Variants in FOXJ3 observed in about 807,000 individuals in gnomAD.
FOXJ3 encodes the protein forkhead box J3.
A neutral mutation model predicts 76.1 loss-of-function variants in FOXJ3; 22 were observed. The observed-to-expected ratio is 0.29, with a 90% confidence interval of 0.21 to 0.41. The LOEUF (loss-of-function observed/expected upper bound fraction) is 0.41. Among genes scored for constraint, FOXJ3 ranks in the 10% least tolerant of loss-of-function variants. The pLI, the probability that FOXJ3 is intolerant of heterozygous loss-of-function variation, is 1.00. For synonymous variants in FOXJ3, 269 were observed against 261.2 expected, an observed-to-expected ratio of 1.03 and a Z score of -0.29; for missense variants, 613 against 762.1, an observed-to-expected ratio of 0.80 and a Z score of 2.30.
intron 5 of FOXJ3, among the ~76,000 whole-genome samples, chr1:42,211,805 CATA>C (rs1328818638): frequency 1.3e-5 from 2 of 152,160 alleles, no homozygotes; most frequent in African/African-American, 4.8e-5. Context: ...CCAAGAAACT[CATA>C]TAGAGTTTTC....
chr1:42,279,257 G>C (rs1157101351), intron 2 of FOXJ3, among the ~76,000 whole-genome samples: 14 of 152,180 alleles, frequency 9.2e-5, no homozygotes, highest in Admixed American at 9.2e-4. Context: ...ATAGCAAGGA[G>C]ACAAGCTAGC....
intron 1 of FOXJ3, among the ~76,000 whole-genome samples, chr1:42,323,315 T>A (rs1655542445): frequency 2.6e-5 from 4 of 152,290 alleles, no homozygotes; most frequent in Admixed American, 2.6e-4. Flanking sequence ...AAAATGATGA[T>A]CGGTATTTCT....
intron 12 of FOXJ3, among the ~76,000 whole-genome samples, chr1:42,180,393 T>C (rs896743108): frequency 1.3e-5 from 2 of 152,126 alleles, no homozygotes; most frequent in African/African-American, 4.8e-5. Flanking sequence ...CTTGTACCAG[T>C]TTGGCCATGT....
intron 4 of FOXJ3, among the ~76,000 whole-genome samples, chr1:42,264,017 T>C (rs1318029584): frequency 4.3e-5 from 6 of 139,962 alleles, no homozygotes; most frequent in African/African-American, 8.0e-5. Flanking sequence ...AGCCCAGCCA[T>C]TGAGAGTCCA....
chr1:42,320,998 T>G (rs1302985727), intron 1 of FOXJ3, among the ~76,000 whole-genome samples: 1 of 152,144 alleles, frequency 6.6e-6, no homozygotes, highest in Non-Finnish European at 1.5e-5. Flanking sequence ...ACTTACTGGC[T>G]GTGAGAGGAA....
intron 11 of FOXJ3, 112 bp from the exon 12 acceptor site, chr1:42,182,136 TAAG>T: frequency 1.6e-6 from 1 of 630,282 alleles, no homozygotes; most frequent in Non-Finnish European, 2.8e-6. Context: ...GCAGGTAAAA[TAAG>T]GAGAAAGGGG....
intron 2 of FOXJ3, among the ~76,000 whole-genome samples, chr1:42,300,095 G>A (rs1406812058): frequency 6.6e-6 from 1 of 152,090 alleles, no homozygotes; most frequent in Non-Finnish European, 1.5e-5. Context: ...AGCCACTAGG[G>A]AGGCTGAGGC....
chr1:42,260,092 C>T (rs556489854), intron 4 of FOXJ3, among the ~76,000 whole-genome samples: 102 of 152,146 alleles, frequency 6.7e-4, no homozygotes, highest in Non-Finnish European at 1.2e-3. Flanking sequence ...ATCTTCTTTA[C>T]AAAAATCATG....
intron 4 of FOXJ3, among the ~76,000 whole-genome samples, chr1:42,263,599 A>C (rs985833402): frequency 3.3e-5 from 5 of 152,208 alleles, no homozygotes; most frequent in Non-Finnish European, 1.5e-5. Context: ...CTATTATAAT[A>C]ATCTGTTCAA....
intron 4 of FOXJ3, among the ~76,000 whole-genome samples, chr1:42,261,017 A>G (rs1388627112): frequency 1.3e-5 from 2 of 152,230 alleles, no homozygotes; most frequent in African/African-American, 2.4e-5. Flanking sequence ...GTCAAAGATC[A>G]TTTCTCTGAA....
intron 5 of FOXJ3, among the ~76,000 whole-genome samples, chr1:42,220,378 T>G (rs1180406658): frequency 2.0e-5 from 3 of 152,018 alleles, no homozygotes; most frequent in Non-Finnish European, 4.4e-5. Flanking sequence ...GAATTGAAAA[T>G]CCAGGAGGCT....
chr1:42,320,451 A>T (rs1251423401), intron 1 of FOXJ3, among the ~76,000 whole-genome samples: 1 of 152,162 alleles, frequency 6.6e-6, no homozygotes, highest in African/African-American at 2.4e-5. Flanking sequence ...TTGGTCCCAA[A>T]ATCGTATCAT....
chr1:42,307,943 A>G lies in FOXJ3; in HGVS notation c.44+3107T>C, dbSNP rs991712110. ...AAGGATCCACTATCATCCACAGAAA[A>G]CAATACTTGTTTACCTTACCCAAAA... On this transcript the variant is annotated intron_variant, in intron 2 of 12. Transcript: ENST00000361346. Among the ~76,000 whole-genome samples the G allele has an allele frequency of 3.9e-5, 6 of 152,214 alleles. No homozygotes were observed. The South Asian group carries it at 6.2e-4, about 16-fold the overall frequency.
intron 1 of FOXJ3, among the ~76,000 whole-genome samples, chr1:42,316,858 T>C (rs1018710580): frequency 8.6e-5 from 13 of 152,022 alleles, no homozygotes; most frequent in African/African-American, 2.7e-4. Flanking sequence ...ACAATCGACT[T>C]TGGGGACTCA....
intron 2 of FOXJ3, among the ~76,000 whole-genome samples, chr1:42,283,481 G>C (rs1361714681): frequency 6.6e-6 from 1 of 152,124 alleles, no homozygotes; most frequent in Admixed American, 6.6e-5. Flanking sequence ...TGTAGCAAAG[G>C]CTTACTCAGA....
chr1:42,316,333 C>CGTTTTT (rs1322633444), intron 1 of FOXJ3, among the ~76,000 whole-genome samples: 3 of 73,914 alleles, frequency 4.1e-5, no homozygotes, highest in African/African-American at 1.3e-4. Context: ...TGCATTGGGC[C>CGTTTTT]TTTTTTTTTT....
chr1:42,297,315 G>C (rs1222124383), intron 2 of FOXJ3, among the ~76,000 whole-genome samples: 3 of 152,170 alleles, frequency 2.0e-5, no homozygotes, highest in African/African-American at 7.2e-5. Context: ...TGTTGAACAA[G>C]AGTGGTGAGA....
At chr1:42,181,015 A>G (rs1210498225) in intron 12 of FOXJ3, among the ~76,000 whole-genome samples, 1 of 152,238 alleles carries the variant, frequency 6.6e-6, no homozygotes, top group Admixed American at 6.5e-5. Context: ...CAAAGGACAT[A>G]TCACTTGATC....
intron 2 of FOXJ3, among the ~76,000 whole-genome samples, chr1:42,288,783 G>GAC: frequency 6.6e-6 from 1 of 151,804 alleles, no homozygotes; most frequent in Non-Finnish European, 1.5e-5. Flanking sequence ...TTAATGCAGA[G>GAC]AGAGATGAGA....
Sources: allele counts gnomAD v4.1 joint callset (sites outside exome capture counted in the v4.1 genomes callset), GRCh38; gene constraint gnomAD v4.1.1; transcripts MANE v1.5; gene names NCBI Gene and HGNC (gene_info 2026-07-23, HGNC 2026-07-21).